The following COL9A1 variants were observed in gnomAD, a reference collection of about 807,000 sequenced individuals.
COL9A1 encodes the protein collagen alpha-1(IX) chain.
In COL9A1, 104 loss-of-function variants were observed where a neutral mutation model predicts 142.6. The ratio of observed to expected loss-of-function variants is 0.73; its 90% CI spans 0.62 to 0.86. COL9A1 has a LOEUF of 0.86. Ranked by LOEUF, COL9A1 falls within the 40% of genes least tolerant of loss-of-function variation. COL9A1 has a pLI of 0.00. For synonymous variants in COL9A1, 466 were observed against 396.0 expected (o/e 1.18, Z -2.10); for missense variants, 1,210 against 1,176.6 (o/e 1.03, Z -0.42).
chr6:70,234,591 A>C lies in COL9A1; in HGVS notation c.2262T>G (p.Gly754=). The C allele has an allele frequency of 6.2e-7, 1 of 1,614,202 alleles. No homozygotes were observed. The highest frequency in any genetic ancestry group is 8.5e-7 in the Non-Finnish European group (1 of 1,180,026). ...TGLPGVQGPP[G]RAPTDQHIKQ... Reference sequence around the variant, plus strand: ...TAATGTGCTGATCTGTCGGTGCTCTACCCTGGGACAGAAAAGAAAAAAAGG... The same window carrying C: ...TAATGTGCTGATCTGTCGGTGCTCTCCCCTGGGACAGAAAAGAAAAAAAGG... Residue 754 remains glycine, a splice_region_variant and synonymous_variant, in exon 35 of 38, where the codon GGT becomes GGG. Transcript: ENST00000357250.
chr6:70,243,718 G>A (rs1770417052), intron 28 of COL9A1, among the ~76,000 whole-genome samples: 1 of 152,136 alleles, frequency 6.6e-6, no homozygotes, highest in Non-Finnish European at 1.5e-5. Context: ...AGTAGAGACC[G>A]GGTTTCGCCA....
chr6:70,243,043 G>C (rs1042530908), intron 28 of COL9A1, among the ~76,000 whole-genome samples: 1 of 152,122 alleles, frequency 6.6e-6, no homozygotes, highest in East Asian at 1.9e-4. Flanking sequence ...TGTTCTTAAG[G>C]TATTGTTAAA....
At chr6:70,265,464 G>A (rs758326283) in intron 18 of COL9A1, among the ~76,000 whole-genome samples, 3 of 149,522 alleles carry the variant, frequency 2.0e-5, no homozygotes, top group Non-Finnish European at 4.4e-5. Flanking sequence ...TTATTATATG[G>A]CTATGACATA....
rs142902112 is a variant in COL9A1 at position 70,268,607 on chromosome 6, C to G, written c.1287+197G>C. On this transcript the variant is annotated intron_variant, in intron 17 of 37. Coordinates refer to ENST00000357250, the MANE Select transcript of COL9A1 (RefSeq NM_001851.6). The stretch of plus-strand genomic sequence containing the variant: ...TTTCTTCCCTGAACTAGAAAGCCAT[C>G]CTATGATTAAACCTCCATGTCTTGG... 1.1e-3 allele frequency among the ~76,000 whole-genome samples: 175 copies of G among 152,290 alleles called. 1 individual carries two copies. The highest frequency in any genetic ancestry group is 4.1e-3 in the African/African-American group (169 of 41,550).
intron 12 of COL9A1, 22 bp from the exon 13 acceptor site, chr6:70,272,110 G>A (rs1484410980): frequency 6.2e-7 from 1 of 1,605,152 alleles, no homozygotes; most frequent in African/African-American, 1.3e-5. Flanking sequence ...CAATAAAAAT[G>A]GTTATAGCTT....
intron 37 of COL9A1, among the ~76,000 whole-genome samples, chr6:70,223,696 G>A (rs986536237): frequency 3.3e-5 from 5 of 152,258 alleles, no homozygotes; most frequent in Admixed American, 6.5e-5. Context: ...CGCAGAAAAC[G>A]ATCCACCAGC....
chr6:70,247,499 A>G (rs1770678668), intron 28 of COL9A1, among the ~76,000 whole-genome samples: 1 of 152,220 alleles, frequency 6.6e-6, no homozygotes, highest in Non-Finnish European at 1.5e-5. Flanking sequence ...CACTATCCTC[A>G]GTACCTTTCC....
intron 11 of COL9A1, 66 bp from the exon 12 acceptor site, chr6:70,274,148 C>T (rs1031933595): frequency 3.1e-6 from 4 of 1,293,888 alleles, no homozygotes; most frequent in East Asian, 2.4e-5. Flanking sequence ...GTGAAAACTG[C>T]ATAAATATTG....
At position 70,294,540 on chromosome 6, in the gene COL9A1, G is replaced by A. The variant is rs751987283; in HGVS notation, c.323C>T (p.Pro108Leu). The change falls in exon 5 of 38, where the codon CCT (proline) becomes CTT (leucine). Residue 108 changes from proline to leucine, a missense_variant. Coordinates refer to ENST00000357250, the MANE Select transcript of COL9A1 (RefSeq NM_001851.6). The part of the protein sequence containing the change: ...PTRNLYPSGL[P>L]EEYSFLTTFR... ...CGTCGTCAAGAAGGAGTATTCTTCA[G>A]GCAGTCCACTGGGATATAAATTCCT... 1.2e-6 allele frequency: 2 copies of A among 1,613,964 alleles called. No individual in the cohort carries two copies. Among genetic ancestry groups the A allele is most frequent in the Non-Finnish European group, 1.7e-6 (2 of 1,179,918 alleles).
rs1772411245 is a variant in COL9A1 at position 70,271,683 on chromosome 6, G to C, written c.1115C>G (p.Pro372Arg). ...AGGTCCTACACGGCCAAGCTCTCCAGGGAGTCCTGCTGTCCCAGGAGGACC... is the reference window on the plus strand; with the variant it reads ...AGGTCCTACACGGCCAAGCTCTCCACGGAGTCCTGCTGTCCCAGGAGGACC... ...PPGPPGTAGL[P>R]GELGRVGPVG... Residue 372 changes from proline to arginine, a missense_variant, in exon 14 of 38, where the codon CCT (proline) becomes CGT (arginine). By Grantham distance (103) the Pro-to-Arg change is moderately radical. Transcript: ENST00000357250. The C allele has an allele frequency of 1.9e-6, 3 of 1,613,906 alleles. No homozygotes were observed. Among genetic ancestry groups the C allele is most frequent in the Non-Finnish European group, 1.7e-6 (2 of 1,179,852 alleles).
intron 7 of COL9A1, among the ~76,000 whole-genome samples, chr6:70,282,685 A>C (rs998896019): frequency 6.6e-6 from 1 of 152,202 alleles, no homozygotes; most frequent in Non-Finnish European, 1.5e-5. Context: ...GGGAGGACCC[A>C]GATTGGGGAG....
intron 5 of COL9A1, among the ~76,000 whole-genome samples, chr6:70,285,167 A>G (rs1773402363): frequency 6.6e-6 from 1 of 152,232 alleles, no homozygotes; most frequent in Non-Finnish European, 1.5e-5. Flanking sequence ...AAACTGGTAC[A>G]CCTGTTTAAA....
chr6:70,242,931 A>G (rs759208928), intron 28 of COL9A1, among the ~76,000 whole-genome samples: 7 of 152,260 alleles, frequency 4.6e-5, no homozygotes, highest in Admixed American at 1.3e-4. Flanking sequence ...ATAGCTATGC[A>G]TGTATATGAA....
chr6:70,249,557 TAA>T (rs1770803933), intron 28 of COL9A1, among the ~76,000 whole-genome samples: 1 of 152,022 alleles, frequency 6.6e-6, no homozygotes, highest in African/African-American at 2.4e-5. Context: ...GAGTCAAATA[TAA>T]GAGATCTTGA....
rs1161349308 is a variant in COL9A1, at chr6:70,300,040, T to A, written c.299+3A>T. On this transcript the variant is annotated splice_donor_region_variant and intron_variant, in intron 4 of 37. Transcript: ENST00000357250. ...TTAGATTAAAATATTTTTGATAGAT[T>A]ACCTAGTTGGAATCCTGAAGTCTAC... 1 of 1,613,536 alleles carries A rather than the reference T, an allele frequency of 6.2e-7. No individual in the cohort carries two copies. The highest frequency in any genetic ancestry group is 1.7e-5 in the Admixed American group (1 of 60,020).
At chr6:70,273,639 G>A (rs149009988) in intron 12 of COL9A1, among the ~76,000 whole-genome samples, 2 of 152,148 alleles carry the variant, frequency 1.3e-5, no homozygotes, top group African/African-American at 4.8e-5. Flanking sequence ...CTGATTAGTC[G>A]ATATTTCATT....
intron 36 of COL9A1, among the ~76,000 whole-genome samples, 200 bp downstream of exon 36, chr6:70,232,383 T>C (rs1242561130): frequency 6.6e-6 from 1 of 152,230 alleles, no homozygotes; most frequent in Non-Finnish European, 1.5e-5. Context: ...GTATTTGGTC[T>C]ACTGTTGTGG....
At chr6:70,250,739 C>T (rs1770888215) in intron 28 of COL9A1, among the ~76,000 whole-genome samples, 1 of 152,158 alleles carries the variant, frequency 6.6e-6, no homozygotes, top group Admixed American at 6.5e-5. Flanking sequence ...TTTGGCTATT[C>T]CGCAGCCTTT....
intron 12 of COL9A1, among the ~76,000 whole-genome samples, chr6:70,273,416 T>C (rs1001079494): frequency 6.6e-6 from 1 of 152,058 alleles, no homozygotes; most frequent in Non-Finnish European, 1.5e-5. Context: ...AATGGAAAAG[T>C]TGACATGCTG....
Sources: allele counts gnomAD v4.1 joint callset (sites outside exome capture counted in the v4.1 genomes callset), GRCh38; gene constraint gnomAD v4.1.1; transcripts MANE v1.5; gene names NCBI Gene and HGNC (gene_info 2026-07-23, HGNC 2026-07-21).